Variants in ZBTB2 observed in about 807,000 individuals in gnomAD.
ZBTB2 encodes the protein zinc finger and BTB domain containing 2, also known as zinc finger and BTB domain-containing protein 2.
In ZBTB2, 2 loss-of-function variants were observed where a neutral mutation model predicts 39.5. The ratio of observed to expected loss-of-function variants is 0.05; its 90% CI spans 0.02 to 0.16. The LOEUF is 0.16. Ranked by LOEUF, ZBTB2 falls within the 10% of genes least tolerant of loss-of-function variation. The pLI is 1.00. For synonymous variants in ZBTB2, 251 were observed against 256.6 expected, an observed-to-expected ratio of 0.98 and a Z score of 0.21; for missense variants, 391 against 653.0, an observed-to-expected ratio of 0.60 and a Z score of 4.37.
At chr6:151,380,900 C>T (rs1391566091) in intron 1 of ZBTB2, among the ~76,000 whole-genome samples, 1 of 152,148 alleles carries the variant, frequency 6.6e-6, no homozygotes, top group Non-Finnish European at 1.5e-5. Context: ...AACTCAATAC[C>T]TCCCTGTCCT....
chr6:151,390,348 C>G (rs944502195), intron 1 of ZBTB2, among the ~76,000 whole-genome samples: 1 of 122,874 alleles, frequency 8.1e-6, no homozygotes, highest in Admixed American at 7.7e-5. Flanking sequence ...CGGCCCCGCC[C>G]CCTCCCTGTC....
At chr6:151,373,878 C>CAAAAAAA (rs1778845052) in intron 1 of ZBTB2, among the ~76,000 whole-genome samples, 4 of 29,272 alleles carry the variant, frequency 1.4e-4, no homozygotes, top group East Asian at 6.9e-4. Flanking sequence ...AAAAAAAAAA[C>CAAAAAAA]CAGATGATGC....
intron 1 of ZBTB2, among the ~76,000 whole-genome samples, chr6:151,388,529 T>C (rs371763001): frequency 6.6e-6 from 1 of 152,144 alleles, no homozygotes; most frequent in African/African-American, 2.4e-5. Flanking sequence ...TTGGGGTGAA[T>C]ACATTTTCTT....
chr6:151,381,668 C>T (rs1779037710), intron 1 of ZBTB2, among the ~76,000 whole-genome samples: 1 of 152,198 alleles, frequency 6.6e-6, no homozygotes, highest in South Asian at 2.1e-4. Context: ...ACTCTGCATC[C>T]CATACTCTGG....
At chr6:151,373,692 A>G in intron 1 of ZBTB2, 43 bp from the exon 2 acceptor site, 2 of 1,567,614 alleles carry the variant, frequency 1.3e-6, no homozygotes, top group Non-Finnish European at 1.7e-6. Flanking sequence ...TGATTCACAA[A>G]TAAGAATGTG....
Position 151,391,527 on chromosome 6 carries a change from T to TGCTGCTGCC in ZBTB2, c.-129_-121dup, listed in dbSNP as rs1255241353. The TGCTGCTGCC allele has an allele frequency of 1.3e-5, 2 of 149,558 alleles. No individual in the cohort carries two copies. The highest frequency in any genetic ancestry group is 2.9e-5 in the Non-Finnish European group (2 of 69,232). 9.3% of individuals were successfully genotyped at this position (149,558 alleles called of 1,614,324 possible). A position where few individuals can be genotyped will look rare whatever the true frequency, so the allele number is the denominator to read the frequency against. ...CGCCTCTGCCTCTCGCTGCTGCTGC[T>TGCTGCTGCC]GCTGCTGCCGCCGCGGTCGGTGTCT... On this transcript the variant is annotated 5_prime_UTR_variant, in exon 1 of 3. Coordinates refer to ENST00000325144, the MANE Select transcript of ZBTB2 (RefSeq NM_020861.3).
chr6:151,378,669 A>G (rs917231101), intron 1 of ZBTB2, among the ~76,000 whole-genome samples: 1 of 152,204 alleles, frequency 6.6e-6, no homozygotes, highest in Non-Finnish European at 1.5e-5. Context: ...CTGAGACCCA[A>G]CTGTGATATG....
intron 1 of ZBTB2, among the ~76,000 whole-genome samples, chr6:151,374,434 C>G (rs1280271390): frequency 6.6e-6 from 1 of 152,198 alleles, no homozygotes; most frequent in African/African-American, 2.4e-5. Context: ...ATTATTCACA[C>G]TTGACCCTGG....
intron 1 of ZBTB2, among the ~76,000 whole-genome samples, chr6:151,373,944 T>C (rs1486930347): frequency 6.9e-6 from 1 of 145,818 alleles, no homozygotes; most frequent in African/African-American, 2.5e-5. Context: ...CAGATGGTAA[T>C]GGAGAAGCCA....
Position 151,366,500 on chromosome 6 carries a change from C to T in ZBTB2, c.566G>A (p.Arg189Gln), listed in dbSNP as rs762990228. ...QLTSNLAQVN[R>Q]TNMTPSDPLQ... ...GGGGTCTGAGGGAGTCATATTTGTC[C>T]GATTCACCTGGGCCAGATTTGAAGT... The change falls in exon 3 of 3, where the codon CGG (arginine) becomes CAG (glutamine). Residue 189 changes from arginine to glutamine, a missense_variant. By Grantham distance (43) the Arg-to-Gln change is conservative. Coordinates refer to ENST00000325144, the MANE Select transcript of ZBTB2 (RefSeq NM_020861.3). The surrounding 1 kb of genome is among the most constrained non-coding windows in gnomAD (Gnocchi z 7.1). 2.0e-4 allele frequency: 322 copies of T among 1,613,902 alleles called. No homozygotes were observed. Among genetic ancestry groups the T allele is most frequent in the Non-Finnish European group, 2.0e-4 (236 of 1,180,018 alleles).
Position 151,373,870 on chromosome 6 carries a change from A to AAAACAAAAC in ZBTB2, c.-12-222_-12-221insGTTTTGTTT, listed in dbSNP as rs1554336608. Among the ~76,000 whole-genome samples, 598 of 123,556 alleles carry AAAACAAAAC rather than the reference A, an allele frequency of 4.8e-3. 22 individuals carry two copies. The highest frequency in any genetic ancestry group is 0.019 in the African/African-American group (546 of 28,146). The allele number at this position is 123,556 out of a possible 152,430, so 81.1% of individuals were successfully genotyped here. ...AAAAAAAAAAAAAAAAAAAAAAAAA[A>AAAACAAAAC]AAAAAAACCAGATGATGCCATTTAA... On this transcript the variant is annotated intron_variant, in intron 1 of 2. Transcript: ENST00000325144.
In ZBTB2 at chr6:151,366,374, G is replaced by A; in HGVS notation, c.692C>T (p.Pro231Leu). 6.2e-7 allele frequency: 1 copy of A among 1,614,148 alleles called. No homozygotes were observed. Among genetic ancestry groups the A allele is most frequent in the Non-Finnish European group, 8.5e-7 (1 of 1,180,036 alleles). ...NLEASSSDEQ[P>L]ASLTIAHVKP... is the part of the protein sequence containing the mutation. ...GACGTGGGCTATTGTGAGGGACGCA[G>A]GCTGCTCATCGGAGGAAGATGCTTC... Residue 231 changes from proline to leucine, a missense_variant, in exon 3 of 3, where the codon CCT becomes CTT. By Grantham distance (98) the Pro-to-Leu change is moderately conservative. This residue lies in a region of ZBTB2 where 175 missense variants were observed against 198.6 expected (regional missense o/e 0.88). Coordinates refer to ENST00000325144, the MANE Select transcript of ZBTB2 (RefSeq NM_020861.3). The surrounding 1 kb of genome is among the most constrained non-coding windows in gnomAD (Gnocchi z 7.1).
intron 1 of ZBTB2, among the ~76,000 whole-genome samples, chr6:151,390,778 C>G (rs906034275): frequency 6.0e-5 from 9 of 150,886 alleles, no homozygotes; most frequent in Non-Finnish European, 1.0e-4. Flanking sequence ...CCTCCTCCCT[C>G]CCCTCCCCCA....
At chr6:151,373,864 A>ACAAAAC (rs1174627329) in intron 1 of ZBTB2, among the ~76,000 whole-genome samples, 62 of 147,046 alleles carry the variant, frequency 4.2e-4, no homozygotes, top group African/African-American at 1.6e-3. Flanking sequence ...AAAAAAAAAA[A>ACAAAAC]AAAAAAAAAA....
intron 1 of ZBTB2, among the ~76,000 whole-genome samples, chr6:151,390,891 G>A (rs139683250): frequency 0.036 from 5,403 of 151,780 alleles, 192 homozygotes; most frequent in East Asian, 0.17. Context: ...TGACGGGCCC[G>A]CCTCTGAGGG....
In ZBTB2 at chr6:151,366,472, C is replaced by A. The variant is rs1272673518; in HGVS notation, c.594G>T (p.Leu198=). 1 of 1,614,034 alleles carries A rather than the reference C, an allele frequency of 6.2e-7. No individual in the cohort carries two copies. Among genetic ancestry groups the A allele is most frequent in the African/African-American group, 1.3e-5 (1 of 74,980 alleles). Residue 198 remains leucine, a synonymous_variant, in exon 3 of 3, where the codon CTG becomes CTT. Transcript: ENST00000325144. This position sits in a 1 kb window ranked among gnomAD's most constrained non-coding sequence, Gnocchi z 7.1. Reference sequence around the variant, plus strand: ...CAAGTTCTGGAGACAGCGAGGTCTGCAGGGGGTCTGAGGGAGTCATATTTG... The same window carrying A: ...CAAGTTCTGGAGACAGCGAGGTCTGAAGGGGGTCTGAGGGAGTCATATTTG... ...NRTNMTPSDP[L]QTSLSPELVS... is the part of the protein sequence containing the mutation.
At position 151,373,843 on chromosome 6, in the gene ZBTB2, TAAAAAAAAAAAAAAA is replaced by T. The variant is rs200070063; in HGVS notation, c.-12-209_-12-195del. On this transcript the variant is annotated intron_variant, in intron 1 of 2. Coordinates refer to ENST00000325144, the MANE Select transcript of ZBTB2 (RefSeq NM_020861.3). Reference sequence around the variant, plus strand: ...TGAAGTAGTTATGTCATTATGCCTTTAAAAAAAAAAAAAAAAAAAAAAAAAAAAAAAAAACCAGAT... The same window carrying T: ...TGAAGTAGTTATGTCATTATGCCTTTAAAAAAAAAAAAAAAAAAACCAGAT... Among the ~76,000 whole-genome samples the T allele has an allele frequency of 6.1e-3, 279 of 46,028 alleles. 12 individuals carry two copies. Among genetic ancestry groups the T allele is most frequent in the Admixed American group, 0.055 (140 of 2,552 alleles). The allele number at this position is 46,028 out of a possible 152,430, so 30.2% of individuals were successfully genotyped here.
chr6:151,386,676 A>T (rs1562771623), intron 1 of ZBTB2, among the ~76,000 whole-genome samples: 1 of 152,262 alleles, frequency 6.6e-6, no homozygotes, highest in Non-Finnish European at 1.5e-5. Context: ...CAGGGTATAT[A>T]ACACAGGTGA....
At chr6:151,389,180 G>A (rs1394893396) in intron 1 of ZBTB2, among the ~76,000 whole-genome samples, 2 of 152,120 alleles carry the variant, frequency 1.3e-5, no homozygotes, top group Non-Finnish European at 2.9e-5. Flanking sequence ...CCAGCACTTT[G>A]GGAGGCCAAG....
Sources: gnomAD v4.1 joint callset for allele counts (sites outside exome capture counted in the v4.1 genomes callset) on GRCh38, gnomAD v4.1.1 for gene constraint, gnomAD v4.1.1 regional missense constraint, Gnocchi (gnomAD v3.1) non-coding constraint, MANE v1.5 for transcripts, NCBI Gene and HGNC (gene_info 2026-07-23, HGNC 2026-07-21) for gene names.